Variants in ST3GAL2 observed in about 807,000 individuals in gnomAD.
ST3GAL2 encodes the protein ST3 beta-galactoside alpha-2,3-sialyltransferase 2.
A neutral mutation model predicts 37.5 loss-of-function variants in ST3GAL2; 16 were observed. That is an observed-to-expected ratio of 0.43 (90% CI 0.29 to 0.65). The LOEUF (loss-of-function observed/expected upper bound fraction) is 0.65, where lower values mean the gene tolerates loss of function less well. ST3GAL2 is among the 30% of genes least tolerant of loss of function. The pLI is 0.17. For missense variants in ST3GAL2, 383 were observed against 487.8 expected (o/e 0.79, Z 2.02); for synonymous variants, 238 against 202.9 (o/e 1.17, Z -1.47).
At chr16:70,414,360 C>T (rs1006866281) in intron 1 of ST3GAL2, among the ~76,000 whole-genome samples, 4 of 152,216 alleles carry the variant, frequency 2.6e-5, no homozygotes, top group Admixed American at 6.5e-5. Flanking sequence ...TAGGGCAGGG[C>T]GTGCAGACAT....
At chr16:70,424,079 A>G (rs1331878264) in intron 1 of ST3GAL2, among the ~76,000 whole-genome samples, 1 of 150,166 alleles carries the variant, frequency 6.7e-6, no homozygotes, top group Non-Finnish European at 1.5e-5. Context: ...ACAAAACAAA[A>G]CAAAAAAAGC....
rs1214051117 is a variant in ST3GAL2, at chr16:70,379,110, C to T, written c.*2579G>A. On this transcript the variant is annotated 3_prime_UTR_variant, in exon 7 of 7. Transcript: ENST00000342907. ...GGAAAACCTGACTTAGATGCACTTC[C>T]CTGAGAGGTGGGGACAGCCCAGCCT... 3 of 152,210 alleles carry T rather than the reference C, an allele frequency of 2.0e-5. No homozygotes were observed. The highest frequency in any genetic ancestry group is 2.9e-5 in the Non-Finnish European group (2 of 68,060). The allele number at this position is 152,210 out of a possible 1,614,324, so 9.4% of individuals were successfully genotyped here.
Position 70,383,082 on chromosome 16 carries a change from G to A in ST3GAL2, c.759+108C>T, listed in dbSNP as rs76129717. On this transcript the variant is annotated intron_variant, in intron 5 of 6. Transcript: ENST00000342907. ...TAGGGTCAGGCATCTCGGCAGATGG[G>A]GACCCTGAGGTTCTGCAGGGGAAAT... 1.7e-3 allele frequency: 2,714 copies of A among 1,574,234 alleles called. 33 individuals are homozygous for A. In the African/African-American group the frequency reaches 0.026, roughly 15 times the overall value.
chr16:70,436,604 A>C (rs1349484832), intron 1 of ST3GAL2, among the ~76,000 whole-genome samples: 1 of 152,056 alleles, frequency 6.6e-6, no homozygotes, highest in African/African-American at 2.4e-5. Flanking sequence ...TTAAACCATA[A>C]AACTCTGGAG....
intron 3 of ST3GAL2, among the ~76,000 whole-genome samples, chr16:70,389,179 A>C: frequency 8.2e-6 from 1 of 121,530 alleles, no homozygotes; most frequent in Non-Finnish European, 1.6e-5. Flanking sequence ...GGAGATCGAG[A>C]CCACGGTGAA....
intron 3 of ST3GAL2, among the ~76,000 whole-genome samples, chr16:70,389,454 A>T (rs1413579282): frequency 1.3e-5 from 2 of 149,978 alleles, no homozygotes; most frequent in Non-Finnish European, 3.0e-5. Context: ...GGACTACAAC[A>T]TGTGCCAGCA....
intron 1 of ST3GAL2, among the ~76,000 whole-genome samples, chr16:70,435,070 G>A (rs1443458163): frequency 2.1e-4 from 32 of 152,180 alleles, no homozygotes. Context: ...GCCAGACGAG[G>A]GCCCGGTTCA....
intron 1 of ST3GAL2, among the ~76,000 whole-genome samples, chr16:70,436,203 G>A (rs1331552858): frequency 6.6e-6 from 1 of 151,832 alleles, no homozygotes; most frequent in South Asian, 2.1e-4. Context: ...CAAGGCGGGC[G>A]GATCACCTGA....
rs1193461404 is a variant in ST3GAL2 at position 70,438,942 on chromosome 16, C to T, written c.-1004+7G>A. 2 of 150,454 alleles carry T rather than the reference C, an allele frequency of 1.3e-5. No homozygotes were observed. Among genetic ancestry groups the T allele is most frequent in the Admixed American group, 1.3e-4 (2 of 15,026 alleles). 9.3% of individuals were successfully genotyped at this position (150,454 alleles called of 1,614,324 possible). A position where few individuals can be genotyped will look rare whatever the true frequency, so the allele number is the denominator to read the frequency against. ...GCATCCCGCCCGCCCTCATCCCACC[C>T]GCGCACCTCAGTCAGCGCCCGGCGC... is the stretch of plus-strand genomic sequence containing the variant. On this transcript the variant is annotated splice_region_variant and intron_variant, in intron 1 of 6. Coordinates refer to ENST00000342907, the MANE Select transcript of ST3GAL2 (RefSeq NM_006927.4).
At chr16:70,382,742 C>G in intron 6 of ST3GAL2, 63 bp downstream of exon 6, 1 of 1,605,026 alleles carries the variant, frequency 6.2e-7, no homozygotes, top group East Asian at 2.2e-5. Context: ...CTGCTAAGAC[C>G]CGAGAAGGCC....
At chr16:70,391,141 T>G (rs2047479547) in intron 3 of ST3GAL2, among the ~76,000 whole-genome samples, 2 of 152,190 alleles carry the variant, frequency 1.3e-5, no homozygotes, top group Admixed American at 6.5e-5. Flanking sequence ...CAAGCTGTCT[T>G]CCTCAGGGAC....
rs931165466 is a variant in ST3GAL2, at chr16:70,398,788, G to C, written c.-258C>G. On this transcript the variant is annotated 5_prime_UTR_variant, in exon 2 of 7. Coordinates refer to ENST00000342907, the MANE Select transcript of ST3GAL2 (RefSeq NM_006927.4). ...GCTTCATCGGGTCTCTCCGTCACTAGCTAGGCCACAGAGGCTCTGCCTCTC... is the reference window on the plus strand; with the variant it reads ...GCTTCATCGGGTCTCTCCGTCACTACCTAGGCCACAGAGGCTCTGCCTCTC... 8 of 580,602 alleles carry C rather than the reference G, an allele frequency of 1.4e-5. No homozygotes were observed. Among genetic ancestry groups the C allele is most frequent in the Non-Finnish European group, 2.1e-5 (7 of 326,596 alleles). 36.0% of individuals were successfully genotyped at this position (580,602 alleles called of 1,614,324 possible). A position where few individuals can be genotyped will look rare whatever the true frequency, so the allele number is the denominator to read the frequency against.
At chr16:70,385,104 G>A (rs1327423177) in intron 4 of ST3GAL2, among the ~76,000 whole-genome samples, 11 of 151,902 alleles carry the variant, frequency 7.2e-5, no homozygotes, top group African/African-American at 2.7e-4. Context: ...AGGAGATCGA[G>A]ACCATCCTAG....
chr16:70,382,642 G>A (rs571556101), intron 6 of ST3GAL2, among the ~76,000 whole-genome samples, 163 bp downstream of exon 6: 1 of 152,284 alleles, frequency 6.6e-6, no homozygotes, highest in East Asian at 1.9e-4. Context: ...AGAAACGTTT[G>A]GGAAAGGCAT....
At chr16:70,382,731 CCTG>C (rs2047414804) in intron 6 of ST3GAL2, 71 bp downstream of exon 6, 4 of 1,594,692 alleles carry the variant, frequency 2.5e-6, no homozygotes, top group Non-Finnish European at 3.4e-6. Context: ...CCTCTGTTAG[CCTG>C]CTAAGACCCG....
intron 1 of ST3GAL2, among the ~76,000 whole-genome samples, chr16:70,402,687 G>A (rs2047564356): frequency 2.0e-5 from 3 of 152,262 alleles, no homozygotes; most frequent in Admixed American, 2.0e-4. Context: ...GTCTTGCTCT[G>A]TCACCAGGCT....
rs1192370413 is a variant in ST3GAL2 at position 70,376,033 on chromosome 16, C to T, written c.*5656G>A. 1 of 152,234 alleles carries T rather than the reference C, an allele frequency of 6.6e-6. No homozygotes were observed. Among genetic ancestry groups the T allele is most frequent in the Non-Finnish European group, 1.5e-5 (1 of 68,056 alleles). 9.4% of individuals were successfully genotyped at this position (152,234 alleles called of 1,614,324 possible). On this transcript the variant is annotated 3_prime_UTR_variant, in exon 7 of 7. Coordinates refer to ENST00000342907, the MANE Select transcript of ST3GAL2 (RefSeq NM_006927.4). The stretch of plus-strand genomic sequence containing the variant: ...GCAAAGACAGCTGAGATGTCAAACT[C>T]TTCCCTTTCATGGTCTCCAGTGCGG...
chr16:70,390,584 C>T (rs1331062785), intron 3 of ST3GAL2, among the ~76,000 whole-genome samples: 2 of 152,156 alleles, frequency 1.3e-5, no homozygotes, highest in Non-Finnish European at 2.9e-5. Context: ...TCTGCCCTTC[C>T]ACTCCAAGGC....
At chr16:70,433,303 C>T (rs947666751) in intron 1 of ST3GAL2, among the ~76,000 whole-genome samples, 8 of 152,272 alleles carry the variant, frequency 5.3e-5, no homozygotes, top group South Asian at 2.1e-4. Context: ...TCCCTCCTCT[C>T]CCTGTCCCCT....
Sources: gnomAD v4.1 joint callset for allele counts (sites outside exome capture counted in the v4.1 genomes callset) on GRCh38, gnomAD v4.1.1 for gene constraint, MANE v1.5 for transcripts, NCBI Gene and HGNC (gene_info 2026-07-23, HGNC 2026-07-21) for gene names.